BAZ2B: variants seen among roughly 807,000 people sequenced by gnomAD.
BAZ2B encodes the protein bromodomain adjacent to zinc finger domain protein 2B.
In BAZ2B, 91 loss-of-function variants were observed where a neutral mutation model predicts 246.0. That is an observed-to-expected ratio of 0.37 (90% CI 0.31 to 0.44). BAZ2B has a LOEUF of 0.44. BAZ2B is among the 20% of genes least tolerant of loss of function. The pLI is 1.00. For synonymous variants in BAZ2B, 855 were observed against 860.0 expected, an observed-to-expected ratio of 0.99 and a Z score of 0.10; for missense variants, 2,332 against 2,533.7, an observed-to-expected ratio of 0.92 and a Z score of 1.71.
chr2:159,488,298 C>G (rs917527047), intron 2 of BAZ2B, among the ~76,000 whole-genome samples: 2 of 152,090 alleles, frequency 1.3e-5, no homozygotes, highest in Admixed American at 1.3e-4. Context: ...GTCTTGAACT[C>G]CTGACCTTAA....
chr2:159,648,827 T>C, the BAZ2B span, among the ~76,000 whole-genome samples: 1 of 152,210 alleles, frequency 6.6e-6, no homozygotes, highest in Non-Finnish European at 1.5e-5. Context: ...CTCCTGGGTA[T>C]ATACCAAGGA....
intron 1 of BAZ2B, among the ~76,000 whole-genome samples, chr2:159,601,095 A>C (rs551560600): frequency 6.6e-6 from 1 of 152,236 alleles, no homozygotes; most frequent in South Asian, 2.1e-4. Context: ...CAAAGATCTC[A>C]AGAGACTCAG....
chr2:159,419,199 T>C (rs955739536), intron 13 of BAZ2B, among the ~76,000 whole-genome samples: 10 of 152,178 alleles, frequency 6.6e-5, no homozygotes, highest in African/African-American at 2.4e-4. Context: ...AGACCTCTTA[T>C]ATGCATTTAC....
At chr2:159,581,190 G>GA (rs1420096639) in intron 1 of BAZ2B, among the ~76,000 whole-genome samples, 3 of 151,722 alleles carry the variant, frequency 2.0e-5, no homozygotes, top group Non-Finnish European at 4.4e-5. Flanking sequence ...CTAATATCCA[G>GA]AATCTACAAA....
chr2:159,642,420 T>C, the BAZ2B span, among the ~76,000 whole-genome samples: 1 of 152,066 alleles, frequency 6.6e-6, no homozygotes, highest in Admixed American at 6.5e-5. Context: ...GTATTTTTAG[T>C]GCAGATGGGG....
intron 2 of BAZ2B, among the ~76,000 whole-genome samples, chr2:159,500,339 C>T (rs1021201893): frequency 6.6e-6 from 1 of 152,020 alleles, no homozygotes; most frequent in African/African-American, 2.4e-5. Context: ...GGTGTGTGAT[C>T]TTATTTCTGA....
At chr2:159,509,538 A>G (rs2082689541) in intron 2 of BAZ2B, among the ~76,000 whole-genome samples, 1 of 152,188 alleles carries the variant, frequency 6.6e-6, no homozygotes, top group Non-Finnish European at 1.5e-5. Flanking sequence ...TGAAGCCAGT[A>G]TTCATTCAGC....
intron 13 of BAZ2B, among the ~76,000 whole-genome samples, chr2:159,422,313 G>T (rs1466525612): frequency 1.3e-5 from 2 of 152,098 alleles, no homozygotes; most frequent in Non-Finnish European, 2.9e-5. Flanking sequence ...AACAAAGCTG[G>T]AGGCATCACA....
chr2:159,395,173 A>G lies in BAZ2B; in HGVS notation c.3075+596T>C, dbSNP rs569128244. On this transcript the variant is annotated intron_variant, in intron 20 of 36. Transcript: ENST00000392783. ...GGGGAACCTGTGTCTTTCAACCTCC[A>G]AAGCCCCAGTTATAATGACTCTATT... 2.0e-5 allele frequency among the ~76,000 whole-genome samples: 3 copies of G among 152,258 alleles called. No homozygotes were observed. In the South Asian group the frequency reaches 6.2e-4, roughly 32 times the overall value.
At chr2:159,661,703 T>A in the BAZ2B span, among the ~76,000 whole-genome samples, 1 of 152,198 alleles carries the variant, frequency 6.6e-6, no homozygotes, top group African/African-American at 2.4e-5. Flanking sequence ...TAAATTCCCA[T>A]AATATAAAAT....
chr2:159,483,470 G>T (rs537388419), intron 2 of BAZ2B, among the ~76,000 whole-genome samples: 6 of 152,228 alleles, frequency 3.9e-5, no homozygotes, highest in African/African-American at 1.4e-4. Flanking sequence ...AAAGTGCTGG[G>T]ATGCCTTATT....
At chr2:159,438,838 A>C (rs2072885734) in intron 7 of BAZ2B, 143 bp from the exon 8 acceptor site, 2 of 1,250,072 alleles carry the variant, frequency 1.6e-6, no homozygotes, top group Non-Finnish European at 2.2e-6. Context: ...AAATTCGTAA[A>C]AGAAATACCG....
the BAZ2B span, among the ~76,000 whole-genome samples, chr2:159,680,769 C>T: frequency 2.2e-4 from 33 of 152,132 alleles, no homozygotes; most frequent in Admixed American, 2.2e-3. Context: ...GCAGTAGGGG[C>T]TGTTACCCCC....
At position 159,574,142 on chromosome 2, in the gene BAZ2B, TACACACAC is replaced by T. The variant is rs70997110; in HGVS notation, c.-45-18285_-45-18278del. On this transcript the variant is annotated intron_variant, in intron 1 of 36. Transcript: ENST00000392783. ...ACAGACACACACACACACACACACA[TACACACAC>T]ACACACACACACACACACACACAGC... is the stretch of plus-strand genomic sequence containing the variant. Among the ~76,000 whole-genome samples, 612 of 144,964 alleles carry T rather than the reference TACACACAC, an allele frequency of 4.2e-3. 4 individuals are homozygous for T. Among genetic ancestry groups the T allele is most frequent in the East Asian group, 0.034 (165 of 4,828 alleles).
At chr2:159,502,368 C>A (rs1200118359) in intron 2 of BAZ2B, among the ~76,000 whole-genome samples, 1 of 151,208 alleles carries the variant, frequency 6.6e-6, no homozygotes, top group Non-Finnish European at 1.5e-5. Context: ...TTTACACCTG[C>A]AGTCCCAGCA....
the BAZ2B span, among the ~76,000 whole-genome samples, chr2:159,660,572 G>A: frequency 6.6e-6 from 1 of 152,040 alleles, no homozygotes; most frequent in African/African-American, 2.4e-5. Context: ...TCTCCCATAA[G>A]CAGTGTACAA....
chr2:159,381,866 TTC>T (rs575372224), intron 25 of BAZ2B, among the ~76,000 whole-genome samples: 15 of 152,290 alleles, frequency 9.8e-5, no homozygotes, highest in African/African-American at 3.6e-4. Flanking sequence ...GGTCATGCAT[TTC>T]TCTCTGCCTG....
the BAZ2B span, among the ~76,000 whole-genome samples, chr2:159,705,338 T>C: frequency 1.6e-4 from 24 of 152,240 alleles, no homozygotes; most frequent in Middle Eastern, 0.017. Context: ...CCACTTCTTA[T>C]AACTGAACAA....
intron 8 of BAZ2B, chr2:159,435,324 C>G (rs1184369413): frequency 6.7e-6 from 1 of 149,674 alleles, no homozygotes; most frequent in Admixed American, 6.7e-5. Context: ...AGACTATGGG[C>G]ACGTGCCACC....
Sources: allele counts gnomAD v4.1 joint callset (sites outside exome capture counted in the v4.1 genomes callset), GRCh38; gene constraint gnomAD v4.1.1; transcripts MANE v1.5; gene names NCBI Gene and HGNC (gene_info 2026-07-23, HGNC 2026-07-21).